The following RTL4 variants were observed in gnomAD, a reference collection of about 807,000 sequenced individuals.
The protein encoded by RTL4 is retrotransposon Gag-like protein 4.
In RTL4, 4 loss-of-function variants were observed where a neutral mutation model predicts 5.3. The observed-to-expected ratio is 0.75, with a 90% CI of 0.37 to 1.72. The LOEUF (loss-of-function observed/expected upper bound fraction) is 1.72. RTL4 is among the 40% of genes most tolerant of loss of function. RTL4 has a pLI of 0.04. For missense variants in RTL4, 260 were observed against 227.1 expected, an observed-to-expected ratio of 1.14 and a Z score of -0.93; for synonymous variants, 98 against 87.3, an observed-to-expected ratio of 1.12 and a Z score of -0.68.
At chrX:112,103,447 C>A in the RTL4 span, among the ~76,000 whole-genome samples, 1 of 110,604 alleles carries the variant, frequency 9.0e-6, no homozygotes, top group Non-Finnish European at 1.9e-5. Flanking sequence ...GAGGGAGAGC[C>A]TCAGAAAGAA....
the RTL4 span, among the ~76,000 whole-genome samples, chrX:112,385,062 A>G: frequency 1.1e-4 from 12 of 111,182 alleles, no homozygotes; most frequent in African/African-American, 3.9e-4. Context: ...TTTATTTTGT[A>G]TCTTATTATT....
the RTL4 span, among the ~76,000 whole-genome samples, chrX:112,352,391 G>A: frequency 9.0e-6 from 1 of 111,201 alleles, no homozygotes; most frequent in African/African-American, 3.3e-5. Flanking sequence ...TCAGCCAAAA[G>A]AACAAAGCCA....
At chrX:112,372,226 C>T in the RTL4 span, among the ~76,000 whole-genome samples, 1 of 111,481 alleles carries the variant, frequency 9.0e-6, no homozygotes, top group Non-Finnish European at 1.9e-5. Flanking sequence ...TTGAAGTCTA[C>T]AGCATGTGTT....
chrX:112,254,510 A>G, the RTL4 span, among the ~76,000 whole-genome samples: 1 of 110,102 alleles, frequency 9.1e-6, no homozygotes, highest in Non-Finnish European at 1.9e-5. Flanking sequence ...TTGTATTTTT[A>G]GTAGACGGGA....
At chrX:112,124,667 C>T in the RTL4 span, among the ~76,000 whole-genome samples, 2 of 87,176 alleles carry the variant, frequency 2.3e-5, no homozygotes, top group Non-Finnish European at 4.4e-5. Flanking sequence ...CACACCGGGC[C>T]GGTTGTTGGG....
At chrX:112,329,544 G>T in the RTL4 span, among the ~76,000 whole-genome samples, 2 of 110,425 alleles carry the variant, frequency 1.8e-5, no homozygotes, top group African/African-American at 6.6e-5. Flanking sequence ...ATGAGTCCAG[G>T]ACCAGATGGA....
chrX:112,377,185 A>G, the RTL4 span, among the ~76,000 whole-genome samples: 2 of 111,806 alleles, frequency 1.8e-5, no homozygotes, highest in African/African-American at 6.5e-5. Flanking sequence ...ACAATGCCCA[A>G]TAGAGGTTCT....
At chrX:112,178,229 G>C in the RTL4 span, among the ~76,000 whole-genome samples, 1 of 111,382 alleles carries the variant, frequency 9.0e-6, no homozygotes, top group Non-Finnish European at 1.9e-5. Flanking sequence ...AGATTAACCA[G>C]GACTTGTAGT....
the RTL4 span, among the ~76,000 whole-genome samples, chrX:112,181,076 C>T: frequency 1.8e-5 from 2 of 111,268 alleles, no homozygotes; most frequent in Non-Finnish European, 1.9e-5. Context: ...AAGTGCAAGG[C>T]GTCAGGGAAC....
chrX:112,291,786 G>A, the RTL4 span, among the ~76,000 whole-genome samples: 9 of 110,443 alleles, frequency 8.1e-5, no homozygotes, highest in African/African-American at 2.0e-4. Flanking sequence ...TAGTAGAGAC[G>A]GGGTTTCACC....
chrX:112,145,149 T>A, the RTL4 span, among the ~76,000 whole-genome samples: 2 of 111,878 alleles, frequency 1.8e-5, no homozygotes, highest in Non-Finnish European at 3.8e-5. Flanking sequence ...AACTGGAGTG[T>A]GTCAAGCAAA....
At chrX:112,265,667 C>G in the RTL4 span, among the ~76,000 whole-genome samples, 3 of 111,448 alleles carry the variant, frequency 2.7e-5, no homozygotes, top group African/African-American at 9.8e-5. Flanking sequence ...GCTCAATTCC[C>G]TAATAAATCT....
chrX:112,083,161 C>T, the RTL4 span, among the ~76,000 whole-genome samples: 2 of 112,323 alleles, frequency 1.8e-5, no homozygotes, highest in Admixed American at 9.3e-5. Context: ...CCAGACCTCC[C>T]CCTCCCCTGG....
At chrX:112,118,300 C>T in the RTL4 span, among the ~76,000 whole-genome samples, 3 of 112,087 alleles carry the variant, frequency 2.7e-5, no homozygotes, top group East Asian at 8.4e-4. Flanking sequence ...GATTTCAAGG[C>T]TTGACTTGTG....
the RTL4 span, among the ~76,000 whole-genome samples, chrX:112,178,029 G>A: frequency 9.2e-6 from 1 of 109,129 alleles, no homozygotes; most frequent in East Asian, 2.9e-4. Flanking sequence ...TCAACCCCCA[G>A]TCTAGACTGT....
exon 1 of RTL4, chrX:112,456,108 G>A: frequency 3.6e-6 from 1 of 274,902 alleles, no homozygotes; most frequent in Non-Finnish European, 6.4e-6. Flanking sequence ...GTTTCCTGTT[G>A]GCTTAGGACC....
At chrX:112,124,496 A>G in the RTL4 span, among the ~76,000 whole-genome samples, 1 of 112,100 alleles carries the variant, frequency 8.9e-6, no homozygotes, top group African/African-American at 3.2e-5. Flanking sequence ...CAACCATAAA[A>G]TGGAATGAGA....
the RTL4 span, among the ~76,000 whole-genome samples, chrX:112,283,269 T>C: frequency 8.9e-6 from 1 of 112,031 alleles, no homozygotes; most frequent in Admixed American, 9.5e-5. Context: ...GAATGTTGTG[T>C]CACCCTGAAC....
chrX:112,346,189 T>C, the RTL4 span, among the ~76,000 whole-genome samples: 1 of 112,070 alleles, frequency 8.9e-6, no homozygotes, highest in Admixed American at 9.5e-5. Context: ...TTTATAATTT[T>C]AAAAACACCT....
Sources: allele counts gnomAD v4.1 joint callset (sites outside exome capture counted in the v4.1 genomes callset), GRCh38; gene constraint gnomAD v4.1.1; transcripts MANE v1.5; gene names NCBI Gene and HGNC (gene_info 2026-07-23, HGNC 2026-07-21).